Variants in CDH2 observed in about 807,000 individuals in gnomAD.
CDH2 encodes cadherin 2.
A neutral mutation model predicts 92.0 loss-of-function variants in CDH2; 17 were observed. That is an observed-to-expected ratio of 0.18 (90% confidence interval 0.13 to 0.28). The LOEUF is 0.28. Ranked by LOEUF, CDH2 falls within the 10% of genes least tolerant of loss-of-function variation. CDH2 has a pLI of 1.00. For synonymous variants in CDH2, 419 were observed against 415.9 expected, an observed-to-expected ratio of 1.01 and a Z score of -0.09; for missense variants, 862 against 1,133.1, an observed-to-expected ratio of 0.76 and a Z score of 3.44.
Position 28,147,877 on chromosome 18 carries a change from C to T in CDH2, c.61-93G>A, listed in dbSNP as rs563067174. On this transcript the variant is annotated intron_variant, in intron 1 of 15. Transcript: ENST00000269141. Reference sequence around the variant, plus strand: ...CACTTGGCATAAAGCCTCATTTTTTCAACTATCTTGTACAAACAACCCCTT... The same window carrying T: ...CACTTGGCATAAAGCCTCATTTTTTTAACTATCTTGTACAAACAACCCCTT... The T allele has an allele frequency of 1.3e-4, 89 of 710,418 alleles. No individual in the cohort carries two copies. The East Asian group carries it at 2.1e-3, about 17-fold the overall frequency. 44.0% of individuals were successfully genotyped at this position (710,418 alleles called of 1,614,324 possible).
At chr18:27,981,364 TCA>T (rs1188480281) in intron 14 of CDH2, among the ~76,000 whole-genome samples, 2 of 152,210 alleles carry the variant, frequency 1.3e-5, no homozygotes, top group Non-Finnish European at 2.9e-5. Flanking sequence ...ATTTTAATAT[TCA>T]GAGACATTTA....
intron 1 of CDH2, among the ~76,000 whole-genome samples, chr18:28,176,756 G>A (rs546683094): frequency 6.6e-6 from 1 of 151,870 alleles, no homozygotes; most frequent in South Asian, 2.1e-4. Context: ...AGGCGCGAGA[G>A]ACCTACTGGC....
intron 9 of CDH2, among the ~76,000 whole-genome samples, chr18:27,990,869 T>C (rs1467239392): frequency 6.6e-6 from 1 of 152,228 alleles, no homozygotes; most frequent in Non-Finnish European, 1.5e-5. Flanking sequence ...TAATTTGAAG[T>C]ACACATTTTG....
At chr18:27,940,163 T>A (rs1300714265) in intron 6 of CDH2, among the ~76,000 whole-genome samples, 1 of 152,238 alleles carries the variant, frequency 6.6e-6, no homozygotes, top group Non-Finnish European at 1.5e-5. Flanking sequence ...TTCTGCACGC[T>A]AATCTCAATC....
intron 2 of CDH2, among the ~76,000 whole-genome samples, chr18:28,138,861 C>T (rs1298628794): frequency 6.6e-6 from 1 of 152,048 alleles, no homozygotes; most frequent in East Asian, 1.9e-4. Flanking sequence ...ACTTGAATCA[C>T]TTTTTAACGG....
intron 6 of CDH2, among the ~76,000 whole-genome samples, chr18:27,937,621 T>C (rs979957589): frequency 6.6e-6 from 1 of 152,184 alleles, no homozygotes; most frequent in Non-Finnish European, 1.5e-5. Context: ...AATCTAACTT[T>C]CTTTTCTAAA....
intron 2 of CDH2, among the ~76,000 whole-genome samples, chr18:28,084,952 C>G (rs371267225): frequency 2.6e-4 from 40 of 152,228 alleles, no homozygotes; most frequent in African/African-American, 9.1e-4. Context: ...GATTTATCTC[C>G]TGCTCTCCTG....
chr18:27,953,215 A>C (rs1909549263), intron 15 of CDH2, among the ~76,000 whole-genome samples: 1 of 152,194 alleles, frequency 6.6e-6, no homozygotes, highest in Non-Finnish European at 1.5e-5. Context: ...AACATGCGTT[A>C]TCTGGTTCTT....
At chr18:28,002,325 A>C (rs597591) in intron 7 of CDH2, among the ~76,000 whole-genome samples, 67,652 of 152,004 alleles carry the variant, frequency 0.45, 15,371 homozygotes, top group Admixed American at 0.54. Context: ...TGGGAATTAA[A>C]AGAAGTACCC....
At chr18:28,087,252 C>G (rs192063384) in intron 2 of CDH2, among the ~76,000 whole-genome samples, 49 of 152,288 alleles carry the variant, frequency 3.2e-4, no homozygotes, top group Admixed American at 3.1e-3. Context: ...AAGGGCTGTG[C>G]ATCTGTGTGA....
At chr18:28,154,610 A>G (rs1019665303) in intron 1 of CDH2, among the ~76,000 whole-genome samples, 13 of 152,074 alleles carry the variant, frequency 8.5e-5, no homozygotes, top group Non-Finnish European at 1.6e-4. Flanking sequence ...AAATTTTTCC[A>G]CGGTCTCAAT....
At chr18:28,031,050 T>C (rs1031560770) in intron 2 of CDH2, among the ~76,000 whole-genome samples, 1 of 151,322 alleles carries the variant, frequency 6.6e-6, no homozygotes, top group Non-Finnish European at 1.5e-5. Context: ...ATCTTGAATA[T>C]ATATGTCTAA....
intron 2 of CDH2, among the ~76,000 whole-genome samples, chr18:28,028,069 G>T (rs1344920418): frequency 6.6e-6 from 1 of 151,568 alleles, no homozygotes; most frequent in Admixed American, 6.6e-5. Context: ...ACAGGTTTTT[G>T]TTAACTTTGA....
intron 1 of CDH2, among the ~76,000 whole-genome samples, chr18:28,157,661 A>C (rs570363896): frequency 2.0e-5 from 3 of 152,196 alleles, no homozygotes; most frequent in Admixed American, 6.5e-5. Context: ...TCCTATATGA[A>C]TTGAGACTAA....
At chr18:28,137,034 G>T (rs2015874663) in intron 2 of CDH2, among the ~76,000 whole-genome samples, 2 of 151,584 alleles carry the variant, frequency 1.3e-5, no homozygotes, top group South Asian at 2.1e-4. Context: ...CAGAACACTA[G>T]AAAAAAAAGT....
intron 2 of CDH2, among the ~76,000 whole-genome samples, chr18:28,113,950 G>C (rs565515442): frequency 8.5e-5 from 13 of 152,178 alleles, no homozygotes; most frequent in Non-Finnish European, 1.8e-4. Context: ...AAAGGAAAAA[G>C]ACTATCTAAA....
chr18:28,098,421 T>TGA (rs1256181174), intron 2 of CDH2, among the ~76,000 whole-genome samples: 1 of 152,184 alleles, frequency 6.6e-6, no homozygotes, highest in Non-Finnish European at 1.5e-5. Context: ...TAGGTTCCTA[T>TGA]GAGCCTCTGG....
At chr18:27,982,198 G>C (rs979562409) in intron 14 of CDH2, among the ~76,000 whole-genome samples, 1 of 152,178 alleles carries the variant, frequency 6.6e-6, no homozygotes, top group Non-Finnish European at 1.5e-5. Flanking sequence ...ATGTAGTATA[G>C]AGCTTACAGA....
In CDH2 at chr18:27,985,655, T is replaced by C. The variant is rs374384211; in HGVS notation, c.1848A>G (p.Pro616=). The change falls in exon 12 of 16, where the codon CCA becomes CCG. Residue 616 remains proline, a synonymous_variant. Transcript: ENST00000269141. Reference sequence around the variant, plus strand: ...CTGTAATATTAATTGAATTGGGGTCTGGAGTTTCGCAAGTCTCTGCCTCTT... The same window carrying C: ...CTGTAATATTAATTGAATTGGGGTCCGGAGTTTCGCAAGTCTCTGCCTCTT... ...LPQEAETCET[P]DPNSINITAL... is the part of the protein sequence containing the mutation. 8 of 1,613,740 alleles carry C rather than the reference T, an allele frequency of 5.0e-6. No homozygotes were observed. The African/African-American group carries it at 9.3e-5, about 19-fold the overall frequency.
Sources: gnomAD v4.1 joint callset for allele counts (sites outside exome capture counted in the v4.1 genomes callset) on GRCh38, gnomAD v4.1.1 for gene constraint, MANE v1.5 for transcripts, NCBI Gene and HGNC (gene_info 2026-07-23, HGNC 2026-07-21) for gene names.